ADA2: variants seen among roughly 807,000 people sequenced by gnomAD.
ADA2 encodes the protein adenosine deaminase CECR1.
In ADA2, 29 loss-of-function variants were observed where a neutral mutation model predicts 44.2. The ratio of observed to expected loss-of-function variants is 0.66; its 90% CI spans 0.49 to 0.89. ADA2 has a LOEUF of 0.89. ADA2 is among the 40% of genes least tolerant of loss of function. The pLI is 0.00. For synonymous variants in ADA2, 215 were observed against 234.9 expected (o/e 0.92, Z 0.77); for missense variants, 637 against 644.8 (o/e 0.99, Z 0.13).
At chr22:17,214,687 C>T (rs2062452174) in intron 1 of ADA2, among the ~76,000 whole-genome samples, 1 of 152,214 alleles carries the variant, frequency 6.6e-6, no homozygotes, top group South Asian at 2.1e-4. Context: ...AGACTTCCTC[C>T]TCAGCCACTG....
intron 1 of ADA2, among the ~76,000 whole-genome samples, 165 bp downstream of exon 1, chr22:17,219,191 T>A (rs1466180524): frequency 6.6e-6 from 1 of 152,218 alleles, no homozygotes; most frequent in Non-Finnish European, 1.5e-5. Flanking sequence ...TTGGGCCCAT[T>A]TTCAAAAGCC....
At chr22:17,218,581 G>A (rs1347541179) in intron 1 of ADA2, among the ~76,000 whole-genome samples, 1 of 151,934 alleles carries the variant, frequency 6.6e-6, no homozygotes, top group Non-Finnish European at 1.5e-5. Context: ...TGTCTCCCTG[G>A]TGACACATAA....
chr22:17,219,053 A>T (rs1392376713), intron 1 of ADA2, among the ~76,000 whole-genome samples: 1 of 152,184 alleles, frequency 6.6e-6, no homozygotes, highest in Admixed American at 6.5e-5. Flanking sequence ...GCTATTAGGG[A>T]GGCTGAGGCA....
intron 4 of ADA2, among the ~76,000 whole-genome samples, chr22:17,193,623 G>A (rs1310161344): frequency 4.0e-5 from 6 of 148,950 alleles, no homozygotes; most frequent in African/African-American, 1.2e-4. Context: ...AGCCAAGATC[G>A]CGCCATTGCA....
At position 17,180,835 on chromosome 22, in the gene ADA2, G is replaced by C. The variant is rs117615135; in HGVS notation, c.*648C>G. 3,845 of 152,312 alleles carry C rather than the reference G, an allele frequency of 0.025. 100 individuals carry two copies. The highest frequency in any genetic ancestry group is 0.039 in the Non-Finnish European group (2,677 of 68,070). The allele number at this position is 152,312 out of a possible 1,614,324, so 9.4% of individuals were successfully genotyped here. On this transcript the variant is annotated 3_prime_UTR_variant, in exon 10 of 10. Transcript: ENST00000399837. ...AGAGAGAAGAGAAATAAAGAGGAGAGAGTTAAAGAGACCAGAATAGGCCAG... is the reference window on the plus strand; with the variant it reads ...AGAGAGAAGAGAAATAAAGAGGAGACAGTTAAAGAGACCAGAATAGGCCAG...
At chr22:17,211,089 C>T (rs1258402606) in intron 1 of ADA2, among the ~76,000 whole-genome samples, 4 of 151,828 alleles carry the variant, frequency 2.6e-5, no homozygotes, top group African/African-American at 7.3e-5. Flanking sequence ...CGGCTGGGCG[C>T]GGTGGCTCAC....
chr22:17,210,949 C>A (rs1477117087), intron 1 of ADA2, among the ~76,000 whole-genome samples: 4 of 152,164 alleles, frequency 2.6e-5, no homozygotes, highest in Admixed American at 6.5e-5. Context: ...GAGGCTGAAG[C>A]GGGAGCATCA....
chr22:17,210,576 CT>C (rs1339794048), intron 1 of ADA2, among the ~76,000 whole-genome samples: 2 of 151,908 alleles, frequency 1.3e-5, no homozygotes, highest in Non-Finnish European at 2.9e-5. Flanking sequence ...TAGTGGTTCA[CT>C]TTTATTTTAT....
chr22:17,211,316 G>A (rs550663069), intron 1 of ADA2, among the ~76,000 whole-genome samples: 4 of 150,256 alleles, frequency 2.7e-5, no homozygotes, highest in Admixed American at 1.3e-4. Context: ...CTGAGTTCGC[G>A]CCACTGCACT....
chr22:17,205,249 A>G (rs1333400090), intron 3 of ADA2, among the ~76,000 whole-genome samples: 5 of 151,958 alleles, frequency 3.3e-5, no homozygotes, highest in African/African-American at 1.2e-4. Flanking sequence ...TGAACTCCTG[A>G]CCTCAAGTGA....
intron 4 of ADA2, among the ~76,000 whole-genome samples, chr22:17,200,725 T>C (rs1448803752): frequency 6.6e-6 from 1 of 151,546 alleles, no homozygotes; most frequent in African/African-American, 2.4e-5. Flanking sequence ...CTACTAATAA[T>C]ACAAAAATTA....
At position 17,209,719 on chromosome 22, in the gene ADA2, C is replaced by A. The variant is rs201913271; in HGVS notation, c.-42G>T. The A allele has an allele frequency of 2.0e-6, 3 of 1,531,776 alleles. No individual in the cohort carries two copies. Among genetic ancestry groups the A allele is most frequent in the East Asian group, 2.3e-5 (1 of 44,298 alleles). The allele number at this position is 1,531,776 out of a possible 1,614,324, so 94.9% of individuals were successfully genotyped here. ...GGAAAGGGCTCAGATGGAGACTCCA[C>A]GGGACTGCAAAGGAGAGTGGGGGAG... On this transcript the variant is annotated 5_prime_UTR_variant, in exon 2 of 10. Transcript: ENST00000399837.
rs771100217 is a variant in ADA2, at chr22:17,207,284, G to A, written c.329C>T (p.Ala110Val). 3.1e-6 allele frequency: 5 copies of A among 1,603,498 alleles called. No homozygotes were observed. In the Admixed American group the frequency reaches 6.7e-5, roughly 21 times the overall value. ...GATGCCAATGTCATGGAGGTGCAAG[G>A]CAGCCCCTGGAGAGGGAAGAAGAAT... ...NILRMMPKGA[A>V]LHLHDIGIVT... Residue 110 changes from alanine (A) to valine (V), a missense_variant, in exon 3 of 10, where the codon GCC becomes GTC. Transcript: ENST00000399837.
At chr22:17,203,981 T>G (rs2062323492) in intron 3 of ADA2, among the ~76,000 whole-genome samples, 1 of 152,130 alleles carries the variant, frequency 6.6e-6, no homozygotes, top group South Asian at 2.1e-4. Context: ...ACTGCCTGCT[T>G]AAACCCAAAC....
At chr22:17,221,727 C>G (rs181855150), upstream of ADA2, 4 of 152,382 alleles carry the variant, frequency 2.6e-5, no homozygotes, top group Non-Finnish European at 5.9e-5. Flanking sequence ...GCACACTTAC[C>G]TGGATGTGGG....
chr22:17,189,756 C>T, intron 6 of ADA2, 186 bp downstream of exon 6: 1 of 564,080 alleles, frequency 1.8e-6, no homozygotes. Flanking sequence ...CCCCTGTAGG[C>T]CTCTGAAGAG....
chr22:17,193,324 C>G lies in ADA2; in HGVS notation c.754-1514G>C, dbSNP rs934212315. 4.5e-5 allele frequency: 23 copies of G among 506,726 alleles called. No individual in the cohort carries two copies. In the African/African-American group the frequency reaches 5.1e-4, roughly 11 times the overall value. 31.4% of individuals were successfully genotyped at this position (506,726 alleles called of 1,614,324 possible). On this transcript the variant is annotated intron_variant, in intron 4 of 9. Transcript: ENST00000399837. The stretch of plus-strand genomic sequence containing the variant: ...AGAAAATGAGTAGACAGCTCATGTC[C>G]CCTTTTTGTGTTTAAATAAAACCGT...
rs1220376348 is a variant in ADA2 at position 17,217,044 on chromosome 22, A to T, written c.-47+2312T>A. 3.3e-5 allele frequency among the ~76,000 whole-genome samples: 5 copies of T among 152,062 alleles called. No homozygotes were observed. The East Asian group carries it at 5.8e-4, about 18-fold the overall frequency. On this transcript the variant is annotated intron_variant, in intron 1 of 9. Transcript: ENST00000399837. ...TGTAAAACAGGAACAGGAGGTGATT[A>T]AAAAAATGAGAATTAGAAAGAACTT...
At chr22:17,217,819 C>T (rs1246629930) in intron 1 of ADA2, among the ~76,000 whole-genome samples, 4 of 152,010 alleles carry the variant, frequency 2.6e-5, no homozygotes, top group Non-Finnish European at 5.9e-5. Flanking sequence ...AAAATAAATA[C>T]GTAAATAAAA....
Sources: gnomAD v4.1 joint callset for allele counts (sites outside exome capture counted in the v4.1 genomes callset) on GRCh38, gnomAD v4.1.1 for gene constraint, MANE v1.5 for transcripts, NCBI Gene and HGNC (gene_info 2026-07-23, HGNC 2026-07-21) for gene names.